ELAPOR1: variants seen among roughly 807,000 people sequenced by gnomAD.
ELAPOR1 encodes endosome-lysosome associated apoptosis and autophagy regulator 1, also known as endosome/lysosome-associated apoptosis and autophagy regulator 1.
ELAPOR1 carries 77 observed loss-of-function variants against 119.7 expected under a neutral mutation model. That is an observed-to-expected ratio of 0.64 (90% confidence interval 0.54 to 0.78). The LOEUF (loss-of-function observed/expected upper bound fraction) is 0.78, where lower values mean the gene tolerates loss of function less well. ELAPOR1 is among the 30% of genes least tolerant of loss of function. The pLI is 0.00. For missense variants in ELAPOR1, 1,115 were observed against 1,270.4 expected (o/e 0.88, Z 1.86); for synonymous variants, 481 against 487.2 (o/e 0.99, Z 0.17).
In ELAPOR1 at chr1:109,130,500, A is replaced by G. The variant is rs1649093232; in HGVS notation, c.153+16164A>G. Among the ~76,000 whole-genome samples, 3 of 119,086 alleles carry G rather than the reference A, an allele frequency of 2.5e-5. No individual in the cohort carries two copies. The South Asian group carries it at 7.6e-4, about 30-fold the overall frequency. 78.1% of individuals were successfully genotyped at this position (119,086 alleles called of 152,430 possible). ...ATCAATATTTTATTTTATTTTTAAA[A>G]TTATATATATATTTATTTTTATTGA... On this transcript the variant is annotated intron_variant, in intron 1 of 21. Transcript: ENST00000369939.
intron 1 of ELAPOR1, among the ~76,000 whole-genome samples, chr1:109,136,764 T>C (rs1649499145): frequency 6.6e-6 from 1 of 152,226 alleles, no homozygotes; most frequent in Non-Finnish European, 1.5e-5. Flanking sequence ...AGCAACAGCC[T>C]CTGACCGTGT....
At chr1:109,154,341 A>G (rs116107905) in intron 1 of ELAPOR1, among the ~76,000 whole-genome samples, 1,799 of 152,016 alleles carry the variant, frequency 0.012, 14 homozygotes, top group Non-Finnish European at 0.02. Context: ...ACAGATTTCC[A>G]TATCAGTACC....
chr1:109,140,248 C>T (rs763999082), intron 1 of ELAPOR1, among the ~76,000 whole-genome samples: 72 of 152,062 alleles, frequency 4.7e-4, no homozygotes, highest in Non-Finnish European at 3.5e-4. Context: ...TCTCTATATG[C>T]CAGGATTGTC....
At position 109,194,453 on chromosome 1, in the gene ELAPOR1, C is replaced by T; in HGVS notation, c.1980C>T (p.Phe660=). 6.2e-7 allele frequency: 1 copy of T among 1,613,896 alleles called. No individual in the cohort carries two copies. The highest frequency in any genetic ancestry group is 8.5e-7 in the Non-Finnish European group (1 of 1,179,740). The change falls in exon 15 of 22, where the codon TTC becomes TTT. Residue 660 remains phenylalanine, a synonymous_variant. Coordinates refer to ENST00000369939, the MANE Select transcript of ELAPOR1 (RefSeq NM_020775.5). The part of the protein sequence containing the change: ...IHSLCYNDCT[F]SRNTPTRTFN... The stretch of plus-strand genomic sequence containing the variant: ...CTCTGTGCTACAACGATTGCACCTT[C>T]TCACGCAACACTCCGACCAGGACTT...
intron 1 of ELAPOR1, among the ~76,000 whole-genome samples, chr1:109,118,520 G>A (rs1395659220): frequency 2.0e-5 from 3 of 152,190 alleles, no homozygotes; most frequent in Admixed American, 6.5e-5. Context: ...CAATACTGAA[G>A]ATATTACTGA....
intron 7 of ELAPOR1, among the ~76,000 whole-genome samples, chr1:109,177,242 C>T (rs1309760705): frequency 4.7e-5 from 7 of 149,308 alleles, no homozygotes; most frequent in African/African-American, 1.2e-4. Flanking sequence ...GGGCTGACCC[C>T]CCCACCTCCC....
intron 4 of ELAPOR1, 65 bp from the exon 5 acceptor site, chr1:109,172,423 T>C: frequency 8.2e-7 from 1 of 1,221,800 alleles, no homozygotes; most frequent in Non-Finnish European, 1.2e-6. Flanking sequence ...GCTGGTGCAA[T>C]GTGGGGAAAG....
chr1:109,182,442 A>G (rs1255951442), intron 7 of ELAPOR1, among the ~76,000 whole-genome samples: 1 of 152,176 alleles, frequency 6.6e-6, no homozygotes, highest in East Asian at 1.9e-4. Flanking sequence ...TACTGGCTCC[A>G]GCAAGGTATA....
chr1:109,197,686 AGAGTGT>A, intron 16 of ELAPOR1, 32 bp downstream of exon 16: 1 of 1,542,382 alleles, frequency 6.5e-7, no homozygotes, highest in South Asian at 1.2e-5. Context: ...GCCTTGTTTG[AGAGTGT>A]GTGTGTGTGT....
intron 7 of ELAPOR1, among the ~76,000 whole-genome samples, chr1:109,175,528 T>C (rs1011145565): frequency 3.3e-5 from 5 of 150,154 alleles, no homozygotes; most frequent in African/African-American, 1.2e-4. Context: ...TGAAACATTA[T>C]ATAAGATTAT....
rs560760385 is a variant in ELAPOR1, at chr1:109,200,650, C to T, written c.2808-85C>T. On this transcript the variant is annotated intron_variant, in intron 20 of 21. Coordinates refer to ENST00000369939, the MANE Select transcript of ELAPOR1 (RefSeq NM_020775.5). ...CCTTACCCATGGCATGGGAATAGGA[C>T]CTGTTCATAGCCTAACCTCTCTACC... is the stretch of plus-strand genomic sequence containing the variant. 1.5e-5 allele frequency: 20 copies of T among 1,319,168 alleles called. No homozygotes were observed. The African/African-American group carries it at 1.7e-4, about 12-fold the overall frequency. 81.7% of individuals were successfully genotyped at this position (1,319,168 alleles called of 1,614,324 possible).
chr1:109,133,696 T>C (rs1026455033), intron 1 of ELAPOR1, among the ~76,000 whole-genome samples: 4 of 152,204 alleles, frequency 2.6e-5, no homozygotes, highest in African/African-American at 9.6e-5. Flanking sequence ...CAAATTGGAA[T>C]AGCAGGGGAT....
At chr1:109,198,760 C>CA in intron 18 of ELAPOR1, 86 bp downstream of exon 18, 1 of 1,223,580 alleles carries the variant, frequency 8.2e-7, no homozygotes, top group Admixed American at 2.2e-5. Context: ...TGAAAAAGAG[C>CA]AAAAAAGAAA....
In ELAPOR1 at chr1:109,131,143, A is replaced by G. The variant is rs564205625; in HGVS notation, c.153+16807A>G. Among the ~76,000 whole-genome samples, 5 of 152,272 alleles carry G rather than the reference A, an allele frequency of 3.3e-5. No homozygotes were observed. In the South Asian group the frequency reaches 1.0e-3, roughly 32 times the overall value. ...TGGAACTTGAAGATCCAGTTCCAAG[A>G]TGGTTCACTCACACAGCTATGGCAG... On this transcript the variant is annotated intron_variant, in intron 1 of 21. Coordinates refer to ENST00000369939, the MANE Select transcript of ELAPOR1 (RefSeq NM_020775.5).
At chr1:109,132,674 G>A (rs909382703) in intron 1 of ELAPOR1, among the ~76,000 whole-genome samples, 9 of 152,170 alleles carry the variant, frequency 5.9e-5, no homozygotes, top group African/African-American at 1.9e-4. Flanking sequence ...AGCCATGCAA[G>A]GGTAGGGATC....
chr1:109,188,148 G>T, intron 8 of ELAPOR1, 29 bp from the exon 9 acceptor site: 1 of 1,577,038 alleles, frequency 6.3e-7, no homozygotes, highest in South Asian at 1.1e-5. Context: ...TCTCACACAG[G>T]CTGAGTTGTG....
At chr1:109,183,150 T>A (rs1421422010) in intron 7 of ELAPOR1, among the ~76,000 whole-genome samples, 1 of 151,992 alleles carries the variant, frequency 6.6e-6, no homozygotes, top group East Asian at 1.9e-4. Flanking sequence ...TTTTTTCAAA[T>A]TTTCAAAAGA....
At chr1:109,162,130 T>A in intron 2 of ELAPOR1, 116 bp downstream of exon 2, 2 of 1,203,850 alleles carry the variant, frequency 1.7e-6, no homozygotes, top group East Asian at 2.5e-5. Context: ...AGGAATCAGA[T>A]CTTTTCCCCA....
chr1:109,188,479 C>A, intron 9 of ELAPOR1, 125 bp downstream of exon 9: 1 of 1,108,276 alleles, frequency 9.0e-7, no homozygotes, highest in Non-Finnish European at 1.3e-6. Context: ...GAATAAGGAC[C>A]AGGCCACCTT....
Sources: allele counts gnomAD v4.1 joint callset (sites outside exome capture counted in the v4.1 genomes callset), GRCh38; gene constraint gnomAD v4.1.1; transcripts MANE v1.5; gene names NCBI Gene and HGNC (gene_info 2026-07-23, HGNC 2026-07-21).